The following TGFB2 variants were observed in gnomAD, a reference collection of about 807,000 sequenced individuals.
The protein encoded by TGFB2 is transforming growth factor beta-2 proprotein.
TGFB2 carries 13 observed loss-of-function variants against 42.7 expected under a neutral mutation model. The observed-to-expected ratio is 0.30, with a 90% CI of 0.20 to 0.48. TGFB2 has a LOEUF of 0.48. TGFB2 is among the 20% of genes least tolerant of loss of function. TGFB2 has a pLI of 0.99. For missense variants in TGFB2, 390 were observed against 517.5 expected, an observed-to-expected ratio of 0.75 and a Z score of 2.39; for synonymous variants, 193 against 193.6, an observed-to-expected ratio of 1.00 and a Z score of 0.03.
intron 1 of TGFB2, among the ~76,000 whole-genome samples, chr1:218,393,100 C>T (rs533762593): frequency 6.6e-5 from 10 of 152,300 alleles, no homozygotes; most frequent in Admixed American, 2.6e-4. Context: ...GAAAGATTTT[C>T]GGCTAATAAT....
rs10482799 is a variant in TGFB2 at position 218,432,664 on chromosome 1, A to G, written c.511-1418A>G. Among the ~76,000 whole-genome samples, 552 of 152,346 alleles carry G rather than the reference A, an allele frequency of 3.6e-3. 3 individuals are homozygous for G. The highest frequency in any genetic ancestry group is 0.013 in the African/African-American group (540 of 41,574). ...TAATAAATCTTCTAGATACTGAAAT[A>G]AACATTTAATAGATATTGATTCAAT... On this transcript the variant is annotated intron_variant, in intron 2 of 6. Transcript: ENST00000366930.
intron 1 of TGFB2, among the ~76,000 whole-genome samples, chr1:218,358,085 C>G (rs1657097244): frequency 1.3e-5 from 2 of 152,158 alleles, no homozygotes; most frequent in South Asian, 4.1e-4. Context: ...TAATTTTAGG[C>G]TATTGTAAGA....
intron 1 of TGFB2, among the ~76,000 whole-genome samples, chr1:218,386,590 T>C (rs764413037): frequency 3.9e-5 from 6 of 152,206 alleles, no homozygotes; most frequent in Non-Finnish European, 5.9e-5. Flanking sequence ...CTGATGCTAA[T>C]AGTTACAAAC....
chr1:218,429,197 T>C (rs1320342653), intron 2 of TGFB2, among the ~76,000 whole-genome samples: 1 of 152,122 alleles, frequency 6.6e-6, no homozygotes, highest in Non-Finnish European at 1.5e-5. Flanking sequence ...GCCAGGCTGG[T>C]CTCAAACTCC....
At chr1:218,355,581 C>T (rs1213700721) in intron 1 of TGFB2, among the ~76,000 whole-genome samples, 2 of 152,162 alleles carry the variant, frequency 1.3e-5, no homozygotes, top group African/African-American at 4.8e-5. Context: ...CTGCCACTGT[C>T]GGCTTTGCAG....
At chr1:218,367,542 A>T (rs1657425811) in intron 1 of TGFB2, among the ~76,000 whole-genome samples, 2 of 152,192 alleles carry the variant, frequency 1.3e-5, no homozygotes, top group South Asian at 4.1e-4. Flanking sequence ...CAGTATGGAT[A>T]TTCTATAACT....
At position 218,346,795 on chromosome 1, in the gene TGFB2, T is replaced by C. The variant is rs779872141; in HGVS notation, c.94T>C (p.Phe32Leu). ...CTGCAGCACACTCGATATGGACCAG[T>C]TCATGCGCAAGAGGATCGAGGCGAT... The part of the protein sequence containing the change: ...STCSTLDMDQ[F>L]MRKRIEAIRG... Residue 32 changes from phenylalanine to leucine, a missense_variant, in exon 1 of 7, where the codon TTC becomes CTC. Transcript: ENST00000366930. This position sits in a 1 kb window ranked among gnomAD's most constrained non-coding sequence, Gnocchi z 4.9. 20 of 1,614,112 alleles carry C rather than the reference T, an allele frequency of 1.2e-5. No individual in the cohort carries two copies. The South Asian group carries it at 2.2e-4, about 18-fold the overall frequency.
chr1:218,382,315 T>C (rs1278035889), intron 1 of TGFB2, among the ~76,000 whole-genome samples: 1 of 152,092 alleles, frequency 6.6e-6, no homozygotes, highest in Non-Finnish European at 1.5e-5. Context: ...GACTGTAGCT[T>C]TGGTTGAGTC....
rs863223792 is a variant in TGFB2 at position 218,436,110 on chromosome 1, C to T, written c.895C>T (p.Arg299Trp). Residue 299 changes from arginine to tryptophan, a missense_variant, in exon 5 of 7, where the codon CGG becomes TGG. By Grantham distance (101) the Arg-to-Trp change is moderately radical. Coordinates refer to ENST00000366930, the MANE Select transcript of TGFB2 (RefSeq NM_003238.6). The part of the protein sequence containing the change: ...YRLESQQTNR[R>W]KKRALDAAYC... Reference sequence around the variant, plus strand: ...ACTTGAGTCACAACAGACCAACCGGCGGAAGAAGCGTGCTTTGGATGCGGC... The same window carrying T: ...ACTTGAGTCACAACAGACCAACCGGTGGAAGAAGCGTGCTTTGGATGCGGC... 6.2e-7 allele frequency: 1 copy of T among 1,613,628 alleles called. No homozygotes were observed. The highest frequency in any genetic ancestry group is 8.5e-7 in the Non-Finnish European group (1 of 1,179,842).
At chr1:218,431,714 C>T (rs1315548423) in intron 2 of TGFB2, among the ~76,000 whole-genome samples, 1 of 152,296 alleles carries the variant, frequency 6.6e-6, no homozygotes, top group Non-Finnish European at 1.5e-5. Flanking sequence ...AATTTAGAGA[C>T]AAAACGATGA....
At chr1:218,434,266 A>T in intron 3 of TGFB2, 52 bp downstream of exon 3, 1 of 1,611,768 alleles carries the variant, frequency 6.2e-7, no homozygotes, top group African/African-American at 1.3e-5. Context: ...TCCCTAAGTT[A>T]CTTTAAATTG....
At chr1:218,403,140 C>T (rs1027441324) in intron 1 of TGFB2, among the ~76,000 whole-genome samples, 2 of 152,220 alleles carry the variant, frequency 1.3e-5, no homozygotes, top group African/African-American at 2.4e-5. Context: ...GGTGATGCGG[C>T]GGATCATCAC....
chr1:218,443,211 T>C lies in TGFB2; in HGVS notation c.*1849T>C, dbSNP rs559099734. The C allele has an allele frequency of 6.6e-6, 1 of 152,370 alleles. No homozygotes were observed. Among genetic ancestry groups the C allele is most frequent in the Admixed American group, 6.5e-5 (1 of 15,302 alleles). The allele number at this position is 152,370 out of a possible 1,614,324, so 9.4% of individuals were successfully genotyped here. A position where few individuals can be genotyped will look rare whatever the true frequency, so the allele number is the denominator to read the frequency against. On this transcript the variant is annotated 3_prime_UTR_variant, in exon 7 of 7. Transcript: ENST00000366930. ...GAGGCTAAAGTTTACCTTGCTTTAA[T>C]AAATAATTTGCCACATCATTGCAGA...
intron 1 of TGFB2, among the ~76,000 whole-genome samples, chr1:218,355,025 C>T (rs1656987952): frequency 1.3e-5 from 2 of 152,200 alleles, no homozygotes; most frequent in East Asian, 1.9e-4. Context: ...GCCTCAGCCT[C>T]CCAACTAGCT....
chr1:218,434,855 A>G (rs577895085), intron 4 of TGFB2, among the ~76,000 whole-genome samples: 1 of 152,342 alleles, frequency 6.6e-6, no homozygotes, highest in East Asian at 1.9e-4. Flanking sequence ...TTCACAGAAG[A>G]AAGGAGTCTC....
At chr1:218,427,491 C>A (rs1007857920) in intron 2 of TGFB2, among the ~76,000 whole-genome samples, 9 of 152,128 alleles carry the variant, frequency 5.9e-5, no homozygotes, top group South Asian at 2.1e-4. Context: ...CCTCTCCCCC[C>A]ACCTCAGGAC....
rs1469564709 is a variant in TGFB2 at position 218,433,945 on chromosome 1, A to G, written c.511-137A>G. The stretch of plus-strand genomic sequence containing the variant: ...GTGTTTTTATGCATGTGACCATGCA[A>G]TTGAGATGACAATGCATGGCTATAC... On this transcript the variant is annotated intron_variant, in intron 2 of 6. Transcript: ENST00000366930. The G allele has an allele frequency of 4.4e-5, 51 of 1,155,130 alleles. 1 individual carries two copies. The highest frequency in any genetic ancestry group is 5.5e-5 in the Non-Finnish European group (45 of 817,920). The allele number at this position is 1,155,130 out of a possible 1,614,324, so 71.6% of individuals were successfully genotyped here.
chr1:218,418,922 A>G (rs1659367336), intron 2 of TGFB2, among the ~76,000 whole-genome samples: 3 of 152,200 alleles, frequency 2.0e-5, no homozygotes, highest in Middle Eastern at 3.2e-3. Flanking sequence ...CTGTAAGTCC[A>G]ATAAACCTTT....
At position 218,441,591 on chromosome 1, in the gene TGFB2, T is replaced by G. The variant is rs1440230476; in HGVS notation, c.*229T>G. Reference sequence around the variant, plus strand: ...TGAAGGCCTTATTCTACATTTCACCTACTTTGTAAGTGAGAGAGACAAGAA... The same window carrying G: ...TGAAGGCCTTATTCTACATTTCACCGACTTTGTAAGTGAGAGAGACAAGAA... On this transcript the variant is annotated 3_prime_UTR_variant, in exon 7 of 7. Coordinates refer to ENST00000366930, the MANE Select transcript of TGFB2 (RefSeq NM_003238.6). 5.4e-6 allele frequency: 2 copies of G among 367,168 alleles called. No individual in the cohort carries two copies. Among genetic ancestry groups the G allele is most frequent in the Admixed American group, 9.0e-5 (2 of 22,166 alleles). 22.7% of individuals were successfully genotyped at this position (367,168 alleles called of 1,614,324 possible).
Sources: allele counts gnomAD v4.1 joint callset (sites outside exome capture counted in the v4.1 genomes callset), GRCh38; gene constraint gnomAD v4.1.1; non-coding constraint Gnocchi (gnomAD v3.1); transcripts MANE v1.5; gene names NCBI Gene and HGNC (gene_info 2026-07-23, HGNC 2026-07-21).